The following HECW2 variants were observed in gnomAD, a reference collection of about 807,000 sequenced individuals.
HECW2 encodes HECT, C2 and WW domain containing E3 ubiquitin protein ligase 2, also known as E3 ubiquitin-protein ligase HECW2.
A neutral mutation model predicts 175.2 loss-of-function variants in HECW2; 61 were observed. The observed-to-expected ratio is 0.35, with a 90% CI of 0.28 to 0.43. HECW2 has a LOEUF of 0.43. HECW2 is among the 20% of genes least tolerant of loss of function. The pLI, the probability that HECW2 is intolerant of heterozygous loss-of-function variation, is 1.00. For missense variants in HECW2, 1,524 were observed against 2,000.5 expected (o/e 0.76, Z 4.54); for synonymous variants, 671 against 731.0 (o/e 0.92, Z 1.32).
At chr2:196,223,049 T>C (rs1687725759) in intron 23 of HECW2, among the ~76,000 whole-genome samples, 1 of 152,178 alleles carries the variant, frequency 6.6e-6, no homozygotes, top group African/African-American at 2.4e-5. Flanking sequence ...TCACTCCCCT[T>C]AACCCAATTT....
intron 2 of HECW2, among the ~76,000 whole-genome samples, chr2:196,357,617 C>T (rs1693423012): frequency 6.6e-6 from 1 of 152,146 alleles, no homozygotes; most frequent in African/African-American, 2.4e-5. Flanking sequence ...GTGTCCCTAC[C>T]CAAATTACCA....
chr2:196,276,899 T>G (rs576749803), intron 15 of HECW2, among the ~76,000 whole-genome samples: 4 of 152,284 alleles, frequency 2.6e-5, no homozygotes, highest in South Asian at 2.1e-4. Flanking sequence ...TCAGATCCAG[T>G]TATTTATTGT....
intron 1 of HECW2, among the ~76,000 whole-genome samples, chr2:196,536,277 G>A (rs558078944): frequency 6.6e-6 from 1 of 152,252 alleles, no homozygotes; most frequent in East Asian, 1.9e-4. Context: ...AAGAACTTCT[G>A]AGTTCATTAG....
intron 22 of HECW2, among the ~76,000 whole-genome samples, chr2:196,227,332 T>C (rs1329924261): frequency 6.6e-6 from 1 of 152,080 alleles, no homozygotes; most frequent in East Asian, 1.9e-4. Context: ...GTTATACAAA[T>C]ATTTGAAGTG....
intron 14 of HECW2, chr2:196,289,749 TC>T (rs1690534967): frequency 6.6e-6 from 1 of 152,056 alleles, no homozygotes; most frequent in Non-Finnish European, 1.5e-5. Context: ...GGGCTAAAAT[TC>T]CAGGGTTGAC....
chr2:196,484,083 A>G (rs554450178), intron 1 of HECW2, among the ~76,000 whole-genome samples: 1 of 152,314 alleles, frequency 6.6e-6, no homozygotes, highest in South Asian at 2.1e-4. Context: ...AATTTGGGTA[A>G]GTTTCCAGGT....
chr2:196,437,623 A>AAAAAAAAAAAAAAAAAAC lies in HECW2; in HGVS notation c.-35-4166_-35-4165insGTTTTTTTTTTTTTTTTT, dbSNP rs1695918064. Among the ~76,000 whole-genome samples the AAAAAAAAAAAAAAAAAAC allele has an allele frequency of 1.3e-5, 2 of 149,774 alleles. 1 individual carries two copies. The highest frequency in any genetic ancestry group is 3.0e-5 in the Non-Finnish European group (2 of 67,324). ...TGAGACTCTGTCTCAAAAAAAAAAA[A>AAAAAAAAAAAAAAAAAAC]AGCACCAGCCTTGGAGGGGGTGGGT... On this transcript the variant is annotated intron_variant, in intron 1 of 28. Transcript: ENST00000644978.
chr2:196,373,919 C>G (rs1221456618), intron 2 of HECW2, among the ~76,000 whole-genome samples: 1 of 151,110 alleles, frequency 6.6e-6, no homozygotes, highest in Non-Finnish European at 1.5e-5. Context: ...GTAGTCCCAG[C>G]TACTTGGGAG....
At position 196,293,308 on chromosome 2, in the gene HECW2, C is replaced by T. The variant is rs904953475; in HGVS notation, c.2815-558G>A. ...GAGGATAATGGCTTCCAGTTCCATCCACGTTCCTGCAAAGGACATTATCTC... is the reference window on the plus strand; with the variant it reads ...GAGGATAATGGCTTCCAGTTCCATCTACGTTCCTGCAAAGGACATTATCTC... On this transcript the variant is annotated intron_variant, in intron 13 of 28. Transcript: ENST00000644978. Among the ~76,000 whole-genome samples, 16 of 152,174 alleles carry T rather than the reference C, an allele frequency of 1.1e-4. 1 individual carries two copies. The highest frequency in any genetic ancestry group is 3.9e-4 in the African/African-American group (16 of 41,432).
chr2:196,576,827 T>A (rs1219864115), intron 1 of HECW2, among the ~76,000 whole-genome samples: 1 of 152,200 alleles, frequency 6.6e-6, no homozygotes, highest in African/African-American at 2.4e-5. Context: ...AAATATATAA[T>A]TTCTATTTGT....
chr2:196,259,179 C>T (rs1458982528), intron 17 of HECW2, among the ~76,000 whole-genome samples: 4 of 152,132 alleles, frequency 2.6e-5, no homozygotes, highest in Admixed American at 6.5e-5. Flanking sequence ...TTGCCATGTT[C>T]GCCATGCTGG....
intron 2 of HECW2, among the ~76,000 whole-genome samples, chr2:196,410,480 T>A (rs1222874605): frequency 6.6e-6 from 1 of 152,126 alleles, no homozygotes; most frequent in Non-Finnish European, 1.5e-5. Flanking sequence ...TAAAAATAAA[T>A]CTTTAGAGAC....
intron 1 of HECW2, among the ~76,000 whole-genome samples, chr2:196,435,396 G>A (rs1254256902): frequency 6.6e-6 from 1 of 152,194 alleles, no homozygotes; most frequent in Non-Finnish European, 1.5e-5. Flanking sequence ...TAAACTCAGT[G>A]AGTCATGCAG....
chr2:196,399,142 C>A (rs1338104526), intron 2 of HECW2, among the ~76,000 whole-genome samples: 1 of 152,166 alleles, frequency 6.6e-6, no homozygotes, highest in Non-Finnish European at 1.5e-5. Context: ...TCAGGTTGAG[C>A]ATGTACACTC....
chr2:196,546,073 G>C (rs910385093), intron 1 of HECW2, among the ~76,000 whole-genome samples: 4 of 152,160 alleles, frequency 2.6e-5, no homozygotes, highest in African/African-American at 9.7e-5. Context: ...CGAACACAAG[G>C]AGTTGTTTAT....
intron 2 of HECW2, among the ~76,000 whole-genome samples, chr2:196,344,922 A>C (rs1413652629): frequency 6.6e-6 from 1 of 152,214 alleles, no homozygotes; most frequent in African/African-American, 2.4e-5. Flanking sequence ...AAAGAAACAG[A>C]AAATGGGTCA....
intron 1 of HECW2, among the ~76,000 whole-genome samples, chr2:196,539,110 C>T (rs918947488): frequency 4.6e-5 from 7 of 152,054 alleles, no homozygotes; most frequent in African/African-American, 1.4e-4. Context: ...AGTCTTAAGC[C>T]GAGACTAAAG....
chr2:196,369,750 C>T (rs542259122), intron 2 of HECW2, among the ~76,000 whole-genome samples: 2 of 151,966 alleles, frequency 1.3e-5, no homozygotes, highest in Non-Finnish European at 2.9e-5. Context: ...CAAAGTCCTT[C>T]CACTCTGCCC....
chr2:196,232,952 A>C (rs1447592926), intron 21 of HECW2, among the ~76,000 whole-genome samples: 2 of 152,206 alleles, frequency 1.3e-5, no homozygotes, highest in Non-Finnish European at 2.9e-5. Flanking sequence ...AATAGTCTTA[A>C]ACTTTGATTT....
Sources: allele counts gnomAD v4.1 joint callset (sites outside exome capture counted in the v4.1 genomes callset), GRCh38; gene constraint gnomAD v4.1.1; transcripts MANE v1.5; gene names NCBI Gene and HGNC (gene_info 2026-07-23, HGNC 2026-07-21).